The following VPS26C variants were observed in gnomAD, a reference collection of about 807,000 sequenced individuals.
VPS26C encodes vacuolar protein sorting-associated protein 26C.
A neutral mutation model predicts 30.6 loss-of-function variants in VPS26C; 19 were observed. The observed-to-expected ratio is 0.62, with a 90% CI of 0.43 to 0.91. The LOEUF is 0.91. Ranked by LOEUF, VPS26C falls within the 40% of genes least tolerant of loss-of-function variation. The pLI, the probability that VPS26C is intolerant of heterozygous loss-of-function variation, is 0.00. For missense variants in VPS26C, 318 were observed against 385.1 expected (o/e 0.83, Z 1.46); for synonymous variants, 132 against 151.5 (o/e 0.87, Z 0.95).
rs573076224 is a variant in VPS26C at position 37,225,717 on chromosome 21, C to T, written c.812-91G>A. 3.1e-4 allele frequency: 350 copies of T among 1,119,634 alleles called. 4 individuals are homozygous for T. The African/African-American group carries it at 4.9e-3, about 16-fold the overall frequency. 69.4% of individuals were successfully genotyped at this position (1,119,634 alleles called of 1,614,324 possible). On this transcript the variant is annotated intron_variant, in intron 7 of 7. Coordinates refer to ENST00000309117, the MANE Select transcript of VPS26C (RefSeq NM_006052.2). ...CCACTGCAGTCGCAGGAAGCTCTAA[C>T]GGCGAAGGAGCACCCGGTGCGGGTG...
chr21:37,228,441 C>T, intron 5 of VPS26C, 68 bp from the exon 6 acceptor site: 1 of 1,558,178 alleles, frequency 6.4e-7, no homozygotes. Flanking sequence ...TACTTTGGTG[C>T]AAATAAAACC....
At chr21:37,243,244 C>A (rs572311092) in intron 1 of VPS26C, among the ~76,000 whole-genome samples, 1 of 152,102 alleles carries the variant, frequency 6.6e-6, no homozygotes, top group South Asian at 2.1e-4. Flanking sequence ...AGTACTAATA[C>A]CTCGTCCAAC....
At chr21:37,232,095 G>A (rs967587494) in intron 5 of VPS26C, 1 of 424,826 alleles carries the variant, frequency 2.4e-6, no homozygotes, top group African/African-American at 2.0e-5. Flanking sequence ...GGCAGCAGGG[G>A]GTCTTGGGGG....
chr21:37,231,406 T>G (rs1451591937), intron 5 of VPS26C: 1 of 152,206 alleles, frequency 6.6e-6, no homozygotes, highest in Non-Finnish European at 1.5e-5. Flanking sequence ...GACGGGAGTC[T>G]GAGTGGCCCA....
chr21:37,254,193 T>C (rs555996922), intron 1 of VPS26C, among the ~76,000 whole-genome samples: 61 of 152,282 alleles, frequency 4.0e-4, no homozygotes, highest in African/African-American at 1.4e-3. Context: ...AGCCAGCAGA[T>C]TGAAATCCCA....
chr21:37,224,059 C>T lies in VPS26C; in HGVS notation c.*1485G>A, dbSNP rs2085874725. 1 of 152,238 alleles carries T rather than the reference C, an allele frequency of 6.6e-6. No homozygotes were observed. Among genetic ancestry groups the T allele is most frequent in the Non-Finnish European group, 1.5e-5 (1 of 68,068 alleles). The allele number at this position is 152,238 out of a possible 1,614,324, so 9.4% of individuals were successfully genotyped here. A position where few individuals can be genotyped will look rare whatever the true frequency, so the allele number is the denominator to read the frequency against. ...AAACCCTGGCTCAAAACAGCTTCCT[C>T]CAGTGGCTCAGAGGCAGACCAAATT... On this transcript the variant is annotated 3_prime_UTR_variant, in exon 8 of 8. Transcript: ENST00000309117.
intron 1 of VPS26C, among the ~76,000 whole-genome samples, chr21:37,259,362 T>C (rs970057482): frequency 6.6e-6 from 1 of 152,188 alleles, no homozygotes; most frequent in Non-Finnish European, 1.5e-5. Flanking sequence ...CAGTACTCAG[T>C]CCACAGTGTA....
At position 37,238,453 on chromosome 21, in the gene VPS26C, C is replaced by G. The variant is rs2086047612; in HGVS notation, c.351+7G>C. ...AAGTCAGTCGCGTAGGACTAGGAAGCTCTCACCTGAATGTTGACAAACACG... is the reference window on the plus strand; with the variant it reads ...AAGTCAGTCGCGTAGGACTAGGAAGGTCTCACCTGAATGTTGACAAACACG... On this transcript the variant is annotated splice_region_variant and intron_variant, in intron 3 of 7. Coordinates refer to ENST00000309117, the MANE Select transcript of VPS26C (RefSeq NM_006052.2). 4 of 1,613,486 alleles carry G rather than the reference C, an allele frequency of 2.5e-6. No homozygotes were observed. Among genetic ancestry groups the G allele is most frequent in the Non-Finnish European group, 3.4e-6 (4 of 1,179,618 alleles).
Position 37,257,423 on chromosome 21 carries a change from C to T in VPS26C, c.57+9815G>A, listed in dbSNP as rs972418159. On this transcript the variant is annotated intron_variant, in intron 1 of 7. Coordinates refer to ENST00000309117, the MANE Select transcript of VPS26C (RefSeq NM_006052.2). This position sits in a 1 kb window ranked among gnomAD's most constrained non-coding sequence, Gnocchi z 4.2. ...GGCCTGTGTGCTCTCGGGGAGGGGA[C>T]GCAGGTCAGCCCACCTAGCCGATGG... Among the ~76,000 whole-genome samples, 2 of 152,146 alleles carry T rather than the reference C, an allele frequency of 1.3e-5. No individual in the cohort carries two copies. Among genetic ancestry groups the T allele is most frequent in the Non-Finnish European group, 2.9e-5 (2 of 68,026 alleles).
In VPS26C at chr21:37,225,405, T is replaced by C. The variant is rs748104487; in HGVS notation, c.*139A>G. 1 of 712,374 alleles carries C rather than the reference T, an allele frequency of 1.4e-6. No individual in the cohort carries two copies. The highest frequency in any genetic ancestry group is 2.4e-6 in the Non-Finnish European group (1 of 410,946). The allele number at this position is 712,374 out of a possible 1,614,324, so 44.1% of individuals were successfully genotyped here. On this transcript the variant is annotated 3_prime_UTR_variant, in exon 8 of 8. Transcript: ENST00000309117. ...CAAGAAATGAGGAAGGAAAGTTAAT[T>C]TGAGGGTCTGTTTCATTTCTGATAC...
intron 1 of VPS26C, among the ~76,000 whole-genome samples, chr21:37,254,322 A>C (rs1263071951): frequency 6.6e-6 from 1 of 152,222 alleles, no homozygotes; most frequent in Non-Finnish European, 1.5e-5. Flanking sequence ...AACAGCCTAA[A>C]GGGCCCTTGT....
chr21:37,259,086 G>A (rs1378581567), intron 1 of VPS26C, among the ~76,000 whole-genome samples: 1 of 151,988 alleles, frequency 6.6e-6, no homozygotes, highest in Non-Finnish European at 1.5e-5. Context: ...ATTACCTTAA[G>A]ATCTCTTCTG....
intron 1 of VPS26C, among the ~76,000 whole-genome samples, chr21:37,246,678 G>A (rs141435630): frequency 9.2e-5 from 14 of 152,330 alleles, no homozygotes; most frequent in Non-Finnish European, 1.6e-4. Context: ...GGGAGACTAA[G>A]AGAACTAGAA....
chr21:37,229,310 C>G (rs970394241), intron 5 of VPS26C: 64 of 152,084 alleles, frequency 4.2e-4, no homozygotes, highest in African/African-American at 1.5e-3. Flanking sequence ...AAAAAAAAAT[C>G]ACAGAAACAA....
rs1367424509 is a variant in VPS26C, at chr21:37,226,137, A to T, written c.812-511T>A. On this transcript the variant is annotated intron_variant, in intron 7 of 7. Transcript: ENST00000309117. This position sits in a 1 kb window ranked among gnomAD's most constrained non-coding sequence, Gnocchi z 4.1. ...CATCCATCACCTTTCAGCAAACAGG[A>T]TTCCTTCTCCACCGACTCTTCAGCT... The T allele has an allele frequency of 6.4e-6, 1 of 157,050 alleles. No homozygotes were observed. The highest frequency in any genetic ancestry group is 2.4e-5 in the African/African-American group (1 of 41,620). The allele number at this position is 157,050 out of a possible 1,614,324, so 9.7% of individuals were successfully genotyped here. A position where few individuals can be genotyped will look rare whatever the true frequency, so the allele number is the denominator to read the frequency against.
chr21:37,238,408 T>C, intron 3 of VPS26C, 52 bp downstream of exon 3: 1 of 1,588,118 alleles, frequency 6.3e-7, no homozygotes, highest in Admixed American at 1.8e-5. Flanking sequence ...ACCACACCGT[T>C]TGTCAGAAGA....
intron 1 of VPS26C, among the ~76,000 whole-genome samples, chr21:37,254,868 T>A (rs1351568987): frequency 6.6e-6 from 1 of 152,048 alleles, no homozygotes; most frequent in Admixed American, 6.5e-5. Context: ...GTAGGGTAGA[T>A]CACGTGTTAA....
chr21:37,233,818 G>A lies in VPS26C; in HGVS notation c.352-376C>T, dbSNP rs922919607. Among the ~76,000 whole-genome samples the A allele has an allele frequency of 1.3e-5, 2 of 152,284 alleles. No individual in the cohort carries two copies. The highest frequency in any genetic ancestry group is 1.9e-4 in the East Asian group (1 of 5,178). ...CCCGTTGTTGTCTGCCTTACTGTGC[G>A]AGCCCAGACAGATAACACAACTTGT... On this transcript the variant is annotated intron_variant, in intron 3 of 7. Transcript: ENST00000309117. The surrounding 1 kb of genome is among the most constrained non-coding windows in gnomAD (Gnocchi z 5.2).
intron 1 of VPS26C, among the ~76,000 whole-genome samples, chr21:37,250,899 CA>C (rs11450988): frequency 1.0e-3 from 81 of 78,146 alleles, no homozygotes; most frequent in Non-Finnish European, 1.1e-3. Flanking sequence ...GACTCCATTT[CA>C]AAAAAAAAAA....
Sources: allele counts gnomAD v4.1 joint callset (sites outside exome capture counted in the v4.1 genomes callset), GRCh38; gene constraint gnomAD v4.1.1; non-coding constraint Gnocchi (gnomAD v3.1); transcripts MANE v1.5; gene names NCBI Gene and HGNC (gene_info 2026-07-23, HGNC 2026-07-21).